The following SLC14A2 variants were observed in gnomAD, a reference collection of about 807,000 sequenced individuals.
The protein encoded by SLC14A2 is urea transporter 2.
Under a neutral mutation model 104.6 loss-of-function variants are expected in SLC14A2, and 91 were observed. The observed-to-expected ratio is 0.87, with a 90% CI of 0.73 to 1.04. The LOEUF is 1.04. Among genes scored for constraint, SLC14A2 ranks in the 50% least tolerant of loss-of-function variants. The pLI is 0.00. For synonymous variants in SLC14A2, 476 were observed against 466.4 expected, an observed-to-expected ratio of 1.02 and a Z score of -0.27; for missense variants, 1,189 against 1,156.0, an observed-to-expected ratio of 1.03 and a Z score of -0.41.
chr18:45,624,865 A>C (rs754382472), intron 2 of SLC14A2, 51 bp downstream of exon 2: 1 of 1,547,930 alleles, frequency 6.5e-7, no homozygotes, highest in Admixed American at 1.8e-5. Flanking sequence ...GGATGGGAAA[A>C]GTGGGGGCAA....
Position 45,544,440 on chromosome 18 carries a change from T to C in SLC14A2, c.-35+61118T>C, listed in dbSNP as rs192348815. Among the ~76,000 whole-genome samples the C allele has an allele frequency of 1.8e-3, 274 of 152,354 alleles. 2 individuals carry two copies. Among genetic ancestry groups the C allele is most frequent in the African/African-American group, 6.2e-3 (259 of 41,578 alleles). On this transcript the variant is annotated intron_variant, in intron 2 of 20. Coordinates refer to the SLC14A2 transcript ENST00000586448. ...GGACTTTTTCTTATACAACTTTCAA[T>C]TGCATTCTTGTTTGTTCCTGATGTT... is the stretch of plus-strand genomic sequence containing the variant.
chr18:45,375,741 T>C (rs996913383), intron 1 of SLC14A2, among the ~76,000 whole-genome samples: 4 of 152,206 alleles, frequency 2.6e-5, no homozygotes, highest in Non-Finnish European at 5.9e-5. Flanking sequence ...ACCACCAGCA[T>C]TGAGGAATTG....
intron 1 of SLC14A2, among the ~76,000 whole-genome samples, chr18:45,302,794 A>G (rs757656897): frequency 6.6e-6 from 1 of 152,196 alleles, no homozygotes; most frequent in Non-Finnish European, 1.5e-5. Flanking sequence ...ATAATATGTA[A>G]GGAGATAGGA....
intron 2 of SLC14A2, among the ~76,000 whole-genome samples, chr18:45,538,285 G>C (rs542657887): frequency 6.6e-6 from 1 of 152,322 alleles, no homozygotes; most frequent in East Asian, 1.9e-4. Context: ...TCCTGGGCCT[G>C]TTCCCCTTGC....
chr18:45,186,305 T>C, the SLC14A2 span, among the ~76,000 whole-genome samples: 1 of 152,210 alleles, frequency 6.6e-6, no homozygotes, highest in Non-Finnish European at 1.5e-5. Context: ...GGGCCACTTT[T>C]ATATATGACC....
At chr18:45,274,370 T>A (rs1298332666) in intron 1 of SLC14A2, among the ~76,000 whole-genome samples, 1 of 152,224 alleles carries the variant, frequency 6.6e-6, no homozygotes, top group African/African-American at 2.4e-5. Context: ...GGTTTTTTTC[T>A]TCTACTTTAT....
intron 2 of SLC14A2, among the ~76,000 whole-genome samples, chr18:45,575,961 A>G (rs565924488): frequency 2.6e-5 from 4 of 152,312 alleles, no homozygotes; most frequent in Non-Finnish European, 4.4e-5. Context: ...AGCAGAGGCC[A>G]TCTACAGCAT....
rs1568255033 is a variant in SLC14A2 at position 45,518,495 on chromosome 18, C to T, written c.-35+35173C>T. Among the ~76,000 whole-genome samples the T allele has an allele frequency of 2.6e-5, 4 of 152,322 alleles. No homozygotes were observed. The South Asian group carries it at 6.2e-4, about 24-fold the overall frequency. ...GAAAGCAAAGGTCCCAAACCAAGTT[C>T]ACAGTCCAGAGGTGAAATAGACATT... On this transcript the variant is annotated intron_variant, in intron 2 of 20. Transcript: ENST00000586448.
the SLC14A2 span, among the ~76,000 whole-genome samples, chr18:45,195,799 C>T: frequency 4.6e-5 from 7 of 151,638 alleles, no homozygotes; most frequent in East Asian, 1.9e-4. Flanking sequence ...AATAGAATAG[C>T]GTAGGATTGG....
At chr18:45,396,619 T>G (rs1461041050) in intron 1 of SLC14A2, among the ~76,000 whole-genome samples, 3 of 143,710 alleles carry the variant, frequency 2.1e-5, no homozygotes, top group Non-Finnish European at 4.5e-5. Context: ...TCAACCTGGT[T>G]TTTTTTTGTT....
At chr18:45,515,710 C>T (rs1402954109) in intron 2 of SLC14A2, 1 of 152,244 alleles carries the variant, frequency 6.6e-6, no homozygotes. Flanking sequence ...CAACTCATCC[C>T]TGTGGATGTA....
chr18:45,607,795 G>T (rs148441478), intron 2 of SLC14A2, among the ~76,000 whole-genome samples: 1 of 152,216 alleles, frequency 6.6e-6, no homozygotes, highest in Non-Finnish European at 1.5e-5. Flanking sequence ...CTGAAGGCTT[G>T]ACTGGGGCTG....
chr18:45,423,797 G>A (rs2082319562), intron 1 of SLC14A2: 1 of 152,150 alleles, frequency 6.6e-6, no homozygotes, highest in Non-Finnish European at 1.5e-5. Flanking sequence ...TGTCAACAAA[G>A]CAAAGCAGGC....
chr18:45,512,277 A>T (rs188163599), intron 2 of SLC14A2, among the ~76,000 whole-genome samples: 1 of 152,274 alleles, frequency 6.6e-6, no homozygotes, highest in East Asian at 1.9e-4. Flanking sequence ...TCCTCTTCAG[A>T]TATAGCTCAG....
intron 1 of SLC14A2, among the ~76,000 whole-genome samples, chr18:45,318,343 T>C (rs2085150760): frequency 6.6e-6 from 1 of 152,144 alleles, no homozygotes; most frequent in Non-Finnish European, 1.5e-5. Context: ...TTCTCAGCAC[T>C]GGGTCATGTG....
chr18:45,416,329 C>G (rs1448933351), intron 1 of SLC14A2, among the ~76,000 whole-genome samples: 1 of 149,738 alleles, frequency 6.7e-6, no homozygotes, highest in Non-Finnish European at 1.5e-5. Flanking sequence ...GTTGCCATAG[C>G]AACCACTCTG....
intron 1 of SLC14A2, among the ~76,000 whole-genome samples, chr18:45,459,821 A>C (rs936387349): frequency 6.6e-6 from 1 of 152,234 alleles, no homozygotes; most frequent in Non-Finnish European, 1.5e-5. Context: ...ACCTATAAAC[A>C]CGTTGAAAGC....
At chr18:45,527,492 A>G (rs2043611346) in intron 2 of SLC14A2, among the ~76,000 whole-genome samples, 1 of 152,236 alleles carries the variant, frequency 6.6e-6, no homozygotes, top group Non-Finnish European at 1.5e-5. Context: ...ATAGAATTAC[A>G]TAAATTACTC....
chr18:45,540,348 G>C (rs2043867312), intron 2 of SLC14A2, among the ~76,000 whole-genome samples: 1 of 152,112 alleles, frequency 6.6e-6, no homozygotes, highest in South Asian at 2.1e-4. Flanking sequence ...CCCACCCCCA[G>C]TGCGCGGGGC....
Sources: allele counts gnomAD v4.1 joint callset (sites outside exome capture counted in the v4.1 genomes callset), GRCh38; gene constraint gnomAD v4.1.1; transcripts MANE v1.5; gene names NCBI Gene and HGNC (gene_info 2026-07-23, HGNC 2026-07-21).